Variants in ANK1 observed in about 807,000 individuals in gnomAD.
The protein encoded by ANK1 is ankyrin 1.
Under a neutral mutation model 210.4 loss-of-function variants are expected in ANK1, and 51 were observed. The observed-to-expected ratio is 0.24, with a 90% CI of 0.19 to 0.31. ANK1 has a LOEUF of 0.31. ANK1 is among the 10% of genes least tolerant of loss of function. The pLI, the probability that ANK1 is intolerant of heterozygous loss-of-function variation, is 1.00. For missense variants in ANK1, 2,051 were observed against 2,504.4 expected (o/e 0.82, Z 3.86); for synonymous variants, 967 against 1,025.9 (o/e 0.94, Z 1.10).
At chr8:41,697,226 C>T (rs189067771) in intron 24 of ANK1, among the ~76,000 whole-genome samples, 6 of 152,310 alleles carry the variant, frequency 3.9e-5, no homozygotes, top group Non-Finnish European at 8.8e-5. Context: ...ACATTTGGAG[C>T]CCATGAGGTG....
At chr8:41,808,430 C>T (rs1430939608) in intron 1 of ANK1, among the ~76,000 whole-genome samples, 1 of 152,040 alleles carries the variant, frequency 6.6e-6, no homozygotes, top group South Asian at 2.1e-4. Context: ...TTTGGGAGGT[C>T]GAAGCGGGTG....
At chr8:41,728,805 T>C (rs1831379987) in intron 3 of ANK1, among the ~76,000 whole-genome samples, 1 of 152,266 alleles carries the variant, frequency 6.6e-6, no homozygotes, top group Non-Finnish European at 1.5e-5. Flanking sequence ...ATCTGCTGTG[T>C]GCGTGCAGCG....
At chr8:41,756,686 G>A (rs1166251244) in intron 2 of ANK1, among the ~76,000 whole-genome samples, 1 of 152,152 alleles carries the variant, frequency 6.6e-6, no homozygotes, top group African/African-American at 2.4e-5. Context: ...CAGGTGATCC[G>A]CCCACCTCAG....
chr8:41,689,284 A>C (rs1586103929), intron 33 of ANK1, among the ~76,000 whole-genome samples: 1 of 141,504 alleles, frequency 7.1e-6, no homozygotes, highest in Non-Finnish European at 1.5e-5. Context: ...CACCATGCCC[A>C]GCTAATTTTT....
At chr8:41,875,240 ACT>A (rs1816338570) in intron 1 of ANK1, among the ~76,000 whole-genome samples, 1 of 151,906 alleles carries the variant, frequency 6.6e-6, no homozygotes, top group South Asian at 2.1e-4. Flanking sequence ...GACCCTAAAG[ACT>A]CTGCAGCTTC....
At chr8:41,695,378 G>C (rs1820582753) in intron 26 of ANK1, 47 bp from the exon 27 acceptor site, 1 of 1,612,472 alleles carries the variant, frequency 6.2e-7, no homozygotes, top group African/African-American at 1.3e-5. Flanking sequence ...ATACAAGGCA[G>C]GCAGGGCACA....
intron 22 of ANK1, chr8:41,700,540 C>A: frequency 4.4e-6 from 6 of 1,374,056 alleles, no homozygotes; most frequent in Non-Finnish European, 6.2e-6. Context: ...AAAGGAGCAC[C>A]AGAAGCTCTG....
intron 39 of ANK1, chr8:41,665,291 C>A: frequency 2.1e-6 from 3 of 1,460,716 alleles, no homozygotes; most frequent in Non-Finnish European, 1.8e-6. Context: ...GGTGACATCA[C>A]GCTCCTATAA....
At chr8:41,753,358 G>A (rs1003606908) in intron 2 of ANK1, among the ~76,000 whole-genome samples, 10 of 152,048 alleles carry the variant, frequency 6.6e-5, no homozygotes, top group East Asian at 3.9e-4. Flanking sequence ...GAGCTATCGC[G>A]CCCGGCCTGC....
At chr8:41,846,468 C>T (rs1274706024) in intron 1 of ANK1, among the ~76,000 whole-genome samples, 1 of 152,232 alleles carries the variant, frequency 6.6e-6, no homozygotes. Context: ...CGTGTGTCAC[C>T]TGCCCCATCT....
At position 41,693,211 on chromosome 8, in the gene ANK1, C is replaced by T. The variant is rs374510116; in HGVS notation, c.3533-10G>A. 373 of 1,580,714 alleles carry T rather than the reference C, an allele frequency of 2.4e-4. No individual in the cohort carries two copies. The highest frequency in any genetic ancestry group is 3.3e-4 in the Middle Eastern group (2 of 6,016). On this transcript the variant is annotated splice_polypyrimidine_tract_variant and intron_variant, in intron 29 of 42. Coordinates refer to ENST00000289734, the MANE Select transcript of ANK1 (RefSeq NM_000037.4). ...GCTTGGTCTGTTCCTCCTGTAACAG[C>T]GGCAGAAATGGGGCTGGGGACAGTC...
At chr8:41,696,653 C>T (rs545417986) in intron 25 of ANK1, 23 bp downstream of exon 25, 66 of 1,606,048 alleles carry the variant, frequency 4.1e-5, no homozygotes, top group Admixed American at 2.0e-4. Flanking sequence ...CAGGAGTCCC[C>T]GAGCCCTGCG....
At chr8:41,738,415 G>A (rs186699254) in intron 2 of ANK1, among the ~76,000 whole-genome samples, 9 of 152,258 alleles carry the variant, frequency 5.9e-5, no homozygotes, top group South Asian at 2.1e-4. Flanking sequence ...ATCTAGCAGC[G>A]GAAGTTGCTG....
At chr8:41,667,667 G>T (rs1327763636) in intron 39 of ANK1, among the ~76,000 whole-genome samples, 1 of 152,252 alleles carries the variant, frequency 6.6e-6, no homozygotes, top group East Asian at 1.9e-4. Flanking sequence ...GGCCAGGAGA[G>T]GGAGAGGCCT....
At chr8:41,663,114 C>CTGTG (rs56138651) in intron 40 of ANK1, among the ~76,000 whole-genome samples, 16,226 of 145,100 alleles carry the variant, frequency 0.11, 1,067 homozygotes, top group Middle Eastern at 0.28. Context: ...CTCTCTCTCT[C>CTGTG]TGTGTGTGTG....
intron 39 of ANK1, chr8:41,664,824 C>T (rs763783396): frequency 6.0e-5 from 96 of 1,609,980 alleles, no homozygotes; most frequent in Middle Eastern, 1.6e-4. Flanking sequence ...GACCCGCCGC[C>T]GGACCACCCT....
chr8:41,881,822 G>A (rs888170215), intron 1 of ANK1, among the ~76,000 whole-genome samples: 1 of 152,098 alleles, frequency 6.6e-6, no homozygotes, highest in South Asian at 2.1e-4. Context: ...CCGTTCCCAC[G>A]CACCTGCCTG....
At chr8:41,715,534 C>A in intron 14 of ANK1, 118 bp downstream of exon 14, 1 of 1,337,740 alleles carries the variant, frequency 7.5e-7, no homozygotes, top group Non-Finnish European at 1.0e-6. Context: ...ACGACCCTTC[C>A]AGCTGCTTGC....
At chr8:41,747,537 G>A (rs954772572) in intron 2 of ANK1, among the ~76,000 whole-genome samples, 5 of 152,150 alleles carry the variant, frequency 3.3e-5, no homozygotes, top group African/African-American at 1.2e-4. Flanking sequence ...AATTCTTTGA[G>A]ATCCTGTGTT....
Sources: allele counts gnomAD v4.1 joint callset (sites outside exome capture counted in the v4.1 genomes callset), GRCh38; gene constraint gnomAD v4.1.1; transcripts MANE v1.5; gene names NCBI Gene and HGNC (gene_info 2026-07-23, HGNC 2026-07-21).